Variants in PHF21A observed in about 807,000 individuals in gnomAD.
PHF21A encodes PHD finger protein 21A.
PHF21A carries 11 observed loss-of-function variants against 82.5 expected under a neutral mutation model. That is an observed-to-expected ratio of 0.13 (90% CI 0.08 to 0.22). The LOEUF (loss-of-function observed/expected upper bound fraction) is 0.22. Among genes scored for constraint, PHF21A ranks in the 10% least tolerant of loss-of-function variants. PHF21A has a pLI of 1.00. For synonymous variants in PHF21A, 297 were observed against 302.8 expected (o/e 0.98, Z 0.20); for missense variants, 579 against 837.8 (o/e 0.69, Z 3.81).
intron 10 of PHF21A, among the ~76,000 whole-genome samples, chr11:45,964,825 G>A (rs1462177719): frequency 6.6e-6 from 1 of 152,162 alleles, no homozygotes; most frequent in Admixed American, 6.5e-5. Flanking sequence ...TAAAGTTAAA[G>A]AATGCTTTTT....
At chr11:45,983,778 C>T (rs2094393212) in intron 6 of PHF21A, among the ~76,000 whole-genome samples, 2 of 151,988 alleles carry the variant, frequency 1.3e-5, no homozygotes, top group South Asian at 2.1e-4. Context: ...AGAGGGACCC[C>T]GGATTTAGGT....
chr11:46,093,936 G>GA (rs2096958823), intron 1 of PHF21A, among the ~76,000 whole-genome samples: 1 of 152,028 alleles, frequency 6.6e-6, no homozygotes, highest in Non-Finnish European at 1.5e-5. Context: ...TAGTAAAAAG[G>GA]AAAAGACTGA....
chr11:45,990,641 T>C (rs945261594), intron 6 of PHF21A, among the ~76,000 whole-genome samples: 1 of 151,996 alleles, frequency 6.6e-6, no homozygotes, highest in African/African-American at 2.4e-5. Context: ...AGTTTCTACA[T>C]ACAGCAAAAG....
At chr11:46,005,661 G>A (rs2095276930) in intron 6 of PHF21A, among the ~76,000 whole-genome samples, 1 of 152,036 alleles carries the variant, frequency 6.6e-6, no homozygotes, top group Non-Finnish European at 1.5e-5. Context: ...GCCTTATACT[G>A]GAATAGTTAA....
At chr11:46,062,262 T>C (rs1409925151) in intron 6 of PHF21A, among the ~76,000 whole-genome samples, 1 of 152,078 alleles carries the variant, frequency 6.6e-6, no homozygotes. Context: ...GTGGGACATT[T>C]CCTTATATTA....
chr11:45,982,372 G>A (rs146583163), intron 6 of PHF21A, among the ~76,000 whole-genome samples: 1,700 of 152,100 alleles, frequency 0.011, 29 homozygotes, highest in African/African-American at 0.039. Flanking sequence ...TGCTAGCACT[G>A]CCTCTCTGAG....
At chr11:46,077,966 C>T (rs2096746779) in intron 5 of PHF21A, among the ~76,000 whole-genome samples, 1 of 152,060 alleles carries the variant, frequency 6.6e-6, no homozygotes, top group African/African-American at 2.4e-5. Flanking sequence ...GGCTGGAGTG[C>T]AGTGACAAGA....
At chr11:45,985,997 C>CAAAGAATGCAT (rs759880723) in intron 6 of PHF21A, among the ~76,000 whole-genome samples, 2 of 151,282 alleles carry the variant, frequency 1.3e-5, no homozygotes, top group Non-Finnish European at 2.9e-5. Flanking sequence ...TAACAGATGG[C>CAAAGAATGCAT]AAAGAATGCA....
intron 6 of PHF21A, among the ~76,000 whole-genome samples, chr11:45,999,038 G>A (rs2095023311): frequency 2.6e-5 from 4 of 151,912 alleles, no homozygotes; most frequent in Non-Finnish European, 5.9e-5. Context: ...TGTTGGCCAG[G>A]CTGGTCTCAA....
At chr11:45,997,830 A>T (rs528230906) in intron 6 of PHF21A, among the ~76,000 whole-genome samples, 51 of 151,996 alleles carry the variant, frequency 3.4e-4, no homozygotes, top group African/African-American at 1.2e-3. Flanking sequence ...TGCAATTTCA[A>T]CCTCCCTCAC....
At position 46,105,136 on chromosome 11, in the gene PHF21A, T is replaced by A. The variant is rs145288953; in HGVS notation, c.-236-12913A>T. 3.3e-5 allele frequency among the ~76,000 whole-genome samples: 5 copies of A among 152,312 alleles called. No homozygotes were observed. In the East Asian group the frequency reaches 9.6e-4, roughly 29 times the overall value. On this transcript the variant is annotated intron_variant, in intron 1 of 18. Transcript: ENST00000676320. ...ACTGAGGCAGAGGCAGAGCAGGAAGTCATTTGGCCACAGTCAGAGCTAATA... is the reference window on the plus strand; with the variant it reads ...ACTGAGGCAGAGGCAGAGCAGGAAGACATTTGGCCACAGTCAGAGCTAATA...
At chr11:46,099,874 T>C (rs2097067462) in intron 1 of PHF21A, among the ~76,000 whole-genome samples, 2 of 152,186 alleles carry the variant, frequency 1.3e-5, no homozygotes, top group South Asian at 2.1e-4. Context: ...ACAACACAAA[T>C]AAAAAAGAAC....
At chr11:46,005,448 G>T (rs1234914690) in intron 6 of PHF21A, among the ~76,000 whole-genome samples, 2 of 152,074 alleles carry the variant, frequency 1.3e-5, no homozygotes, top group Non-Finnish European at 2.9e-5. Context: ...CTGGTTGAAG[G>T]TTTCAAGATA....
chr11:46,070,357 G>T (rs1330120362), intron 6 of PHF21A, among the ~76,000 whole-genome samples: 1 of 150,914 alleles, frequency 6.6e-6, no homozygotes, highest in Non-Finnish European at 1.5e-5. Flanking sequence ...TTTGAGACGA[G>T]TCTCACTGTG....
At chr11:46,106,078 T>C (rs1006062617) in intron 1 of PHF21A, among the ~76,000 whole-genome samples, 14 of 152,224 alleles carry the variant, frequency 9.2e-5, no homozygotes, top group Admixed American at 3.3e-4. Context: ...ACAGGAACTA[T>C]TGCAGCTCCC....
intron 6 of PHF21A, among the ~76,000 whole-genome samples, chr11:45,999,015 C>G (rs962373115): frequency 4.6e-5 from 7 of 151,906 alleles, no homozygotes; most frequent in African/African-American, 1.7e-4. Context: ...TTTGCACAGA[C>G]AGGGTTTCAC....
intron 6 of PHF21A, among the ~76,000 whole-genome samples, chr11:45,999,457 C>A (rs760600562): frequency 6.6e-6 from 1 of 152,286 alleles, no homozygotes; most frequent in Admixed American, 6.5e-5. Context: ...TATACTTCCA[C>A]CAGGTTCTAT....
At chr11:45,992,559 T>A (rs1252636428) in intron 6 of PHF21A, among the ~76,000 whole-genome samples, 1 of 152,034 alleles carries the variant, frequency 6.6e-6, no homozygotes, top group Non-Finnish European at 1.5e-5. Flanking sequence ...AAAAGAAAAT[T>A]TTTTGACATC....
At chr11:45,990,280 A>G (rs1470190368) in intron 6 of PHF21A, among the ~76,000 whole-genome samples, 1 of 82,384 alleles carries the variant, frequency 1.2e-5, no homozygotes. Context: ...TTTTTTTCAA[A>G]CAGGATCTCA....
Sources: gnomAD v4.1 joint callset for allele counts (sites outside exome capture counted in the v4.1 genomes callset) on GRCh38, gnomAD v4.1.1 for gene constraint, MANE v1.5 for transcripts, NCBI Gene and HGNC (gene_info 2026-07-23, HGNC 2026-07-21) for gene names.